Variants in MSRB3 observed in about 807,000 individuals in gnomAD.
The protein encoded by MSRB3 is methionine-R-sulfoxide reductase B3.
MSRB3 carries 13 observed loss-of-function variants against 21.0 expected under a neutral mutation model. The observed-to-expected ratio is 0.62, with a 90% CI of 0.40 to 0.98. MSRB3 has a LOEUF of 0.98. MSRB3 is among the 50% of genes least tolerant of loss of function. The pLI is 0.00. For missense variants in MSRB3, 199 were observed against 230.3 expected (o/e 0.86, Z 0.88); for synonymous variants, 87 against 88.6 (o/e 0.98, Z 0.10).
chr12:65,395,718 C>A (rs1879743328), intron 5 of MSRB3, among the ~76,000 whole-genome samples: 1 of 152,020 alleles, frequency 6.6e-6, no homozygotes, highest in African/African-American at 2.4e-5. Context: ...TTATCTATTT[C>A]TTCTTGTGTG....
chr12:65,293,830 C>T (rs1872795381), intron 1 of MSRB3, among the ~76,000 whole-genome samples: 1 of 152,064 alleles, frequency 6.6e-6, no homozygotes, highest in Non-Finnish European at 1.5e-5. Flanking sequence ...ATGGGCATGC[C>T]CATTTTGGGG....
chr12:65,445,812 A>G (rs958762405), intron 5 of MSRB3, among the ~76,000 whole-genome samples: 2 of 151,772 alleles, frequency 1.3e-5, no homozygotes, highest in African/African-American at 4.8e-5. Context: ...TGCCCGGCTA[A>G]TTTCTGTATT....
At chr12:65,443,959 T>C (rs1008288678) in intron 5 of MSRB3, among the ~76,000 whole-genome samples, 3 of 152,194 alleles carry the variant, frequency 2.0e-5, no homozygotes, top group African/African-American at 7.2e-5. Flanking sequence ...AATTCAGTCA[T>C]ATATTGTAAA....
intron 1 of MSRB3, chr12:65,305,086 TGA>T (rs1443995507): frequency 6.6e-6 from 1 of 151,608 alleles, no homozygotes; most frequent in Non-Finnish European, 1.5e-5. Flanking sequence ...TTTTTTTTTT[TGA>T]GACAGGGTCT....
chr12:65,396,691 CAAAAAAA>C (rs747120558), intron 5 of MSRB3, among the ~76,000 whole-genome samples: 13 of 23,192 alleles, frequency 5.6e-4, no homozygotes, highest in African/African-American at 1.4e-3. Context: ...AACTCCATCT[CAAAAAAA>C]AAAAAAAAAG....
intron 6 of MSRB3, among the ~76,000 whole-genome samples, chr12:65,459,811 A>G (rs765033987): frequency 2.0e-5 from 3 of 152,180 alleles, no homozygotes; most frequent in Non-Finnish European, 4.4e-5. Flanking sequence ...TGTGTTTCTT[A>G]TGTATACAAT....
intron 4 of MSRB3, among the ~76,000 whole-genome samples, chr12:65,337,093 A>G (rs1875814374): frequency 6.6e-6 from 1 of 152,150 alleles, no homozygotes; most frequent in Admixed American, 6.5e-5. Context: ...AATACAAAAA[A>G]TTAGCCGGGC....
In MSRB3 at chr12:65,286,014, A is replaced by G. The variant is rs181353303; in HGVS notation, c.-52+7149A>G. On this transcript the variant is annotated intron_variant, in intron 1 of 6. Transcript: ENST00000308259. ...CTTTAAAAATAATGGAGACCCTTTC[A>G]TGTAGTAGTAACTATGTTTTTAGTA... 626 of 152,336 alleles carry G rather than the reference A, an allele frequency of 4.1e-3. 5 individuals are homozygous for G. Among genetic ancestry groups the G allele is most frequent in the African/African-American group, 0.014 (570 of 41,568 alleles). The allele number at this position is 152,336 out of a possible 1,614,324, so 9.4% of individuals were successfully genotyped here.
intron 2 of MSRB3, among the ~76,000 whole-genome samples, chr12:65,315,488 A>G (rs1414112272): frequency 1.3e-5 from 2 of 151,874 alleles, no homozygotes; most frequent in East Asian, 3.9e-4. Context: ...TGGCCAACAT[A>G]GTGAAACCCT....
At chr12:65,397,402 G>A (rs1879872697) in intron 5 of MSRB3, among the ~76,000 whole-genome samples, 4 of 152,044 alleles carry the variant, frequency 2.6e-5, no homozygotes, top group African/African-American at 9.7e-5. Context: ...TAGCAAACTT[G>A]CATTGCTACT....
At chr12:65,413,788 A>G (rs1880834243) in intron 5 of MSRB3, among the ~76,000 whole-genome samples, 1 of 152,180 alleles carries the variant, frequency 6.6e-6, no homozygotes, top group South Asian at 2.1e-4. Context: ...CTATTAAAAA[A>G]ACCCAGCAGA....
intron 5 of MSRB3, among the ~76,000 whole-genome samples, chr12:65,375,102 C>T (rs992716695): frequency 1.9e-4 from 29 of 151,946 alleles, no homozygotes; most frequent in African/African-American, 6.5e-4. Flanking sequence ...GCCTCGGCCT[C>T]CCGAAGTGCT....
At chr12:65,361,164 C>G (rs1458576885) in intron 4 of MSRB3, among the ~76,000 whole-genome samples, 1 of 152,016 alleles carries the variant, frequency 6.6e-6, no homozygotes, top group Non-Finnish European at 1.5e-5. Context: ...CTTCACTTAG[C>G]ATCATTGTTT....
chr12:65,319,453 G>T (rs1163004481), intron 2 of MSRB3, among the ~76,000 whole-genome samples: 1 of 152,098 alleles, frequency 6.6e-6, no homozygotes, highest in Admixed American at 6.5e-5. Flanking sequence ...TTTATAAGCA[G>T]ATATGATTAA....
intron 6 of MSRB3, among the ~76,000 whole-genome samples, chr12:65,456,165 T>C (rs1243110302): frequency 6.6e-6 from 1 of 152,250 alleles, no homozygotes; most frequent in African/African-American, 2.4e-5. Context: ...AAACCTCTTT[T>C]AAGACTAATC....
At chr12:65,347,571 C>T (rs1427049834) in intron 4 of MSRB3, among the ~76,000 whole-genome samples, 2 of 152,244 alleles carry the variant, frequency 1.3e-5, no homozygotes, top group African/African-American at 4.8e-5. Flanking sequence ...GCTGAATACC[C>T]TCTATTTCTT....
intron 5 of MSRB3, among the ~76,000 whole-genome samples, chr12:65,434,172 C>T (rs887923110): frequency 6.6e-6 from 1 of 151,710 alleles, no homozygotes; most frequent in Non-Finnish European, 1.5e-5. Context: ...GTATCCACAC[C>T]TAGGAGCTAG....
Position 65,310,881 on chromosome 12 carries a change from G to A in MSRB3, c.76+2226G>A, listed in dbSNP as rs577007438. The stretch of plus-strand genomic sequence containing the variant: ...GCCTTAGCTTCCTTGTTTGTAACAT[G>A]GAGATAATAATAGTACCAACCTGAA... On this transcript the variant is annotated intron_variant, in intron 2 of 6. Transcript: ENST00000308259. Among the ~76,000 whole-genome samples the A allele has an allele frequency of 1.1e-4, 17 of 152,252 alleles. No homozygotes were observed. In the South Asian group the frequency reaches 3.3e-3, roughly 30 times the overall value.
chr12:65,412,685 T>G (rs1880778398), intron 5 of MSRB3, among the ~76,000 whole-genome samples: 1 of 152,110 alleles, frequency 6.6e-6, no homozygotes, highest in African/African-American at 2.4e-5. Context: ...GAGAGGTGTA[T>G]GGTTTGGCAG....
Sources: allele counts gnomAD v4.1 joint callset (sites outside exome capture counted in the v4.1 genomes callset), GRCh38; gene constraint gnomAD v4.1.1; transcripts MANE v1.5; gene names NCBI Gene and HGNC (gene_info 2026-07-23, HGNC 2026-07-21).